The following PHACTR4 variants were observed in gnomAD, a reference collection of about 807,000 sequenced individuals.
PHACTR4 encodes the protein protein phosphatase 1, regulatory subunit 124.
A neutral mutation model predicts 72.7 loss-of-function variants in PHACTR4; 51 were observed. The ratio of observed to expected loss-of-function variants is 0.70; its 90% CI spans 0.56 to 0.89. The LOEUF (loss-of-function observed/expected upper bound fraction) is 0.89, where lower values mean the gene tolerates loss of function less well. Among genes scored for constraint, PHACTR4 ranks in the 40% least tolerant of loss-of-function variants. The probability of loss-of-function intolerance (pLI) is 0.00; values close to 1 mark genes in which losing one functional copy is unlikely to be tolerated. For missense variants in PHACTR4, 731 were observed against 861.8 expected (o/e 0.85, Z 1.90); for synonymous variants, 255 against 302.5 (o/e 0.84, Z 1.63).
chr1:28,396,845 C>CTTTTTT (rs60578939), intron 1 of PHACTR4, among the ~76,000 whole-genome samples: 9 of 119,664 alleles, frequency 7.5e-5, no homozygotes, highest in African/African-American at 2.6e-4. Flanking sequence ...TTCTTTCTTT[C>CTTTTTT]TTTTTTTTTT....
At chr1:28,478,661 G>T (rs1405155027) in intron 8 of PHACTR4, among the ~76,000 whole-genome samples, 1 of 151,922 alleles carries the variant, frequency 6.6e-6, no homozygotes, top group Non-Finnish European at 1.5e-5. Context: ...TCACCATATT[G>T]GCTGGGATGG....
intron 1 of PHACTR4, among the ~76,000 whole-genome samples, chr1:28,388,913 A>G (rs1652788454): frequency 6.6e-6 from 1 of 152,146 alleles, no homozygotes; most frequent in South Asian, 2.1e-4. Flanking sequence ...CTGTAAAACT[A>G]CTAGAAGCAA....
intron 2 of PHACTR4, among the ~76,000 whole-genome samples, chr1:28,444,214 CTTTTTTTTTTTTTTTTT>C (rs746642128): frequency 2.4e-5 from 1 of 41,088 alleles, no homozygotes; most frequent in Non-Finnish European, 4.9e-5. Context: ...ATATATTTGG[CTTTTTTTTTTTTTTTTT>C]TTTTTTTTTT....
intron 2 of PHACTR4, among the ~76,000 whole-genome samples, chr1:28,445,621 A>G (rs960712457): frequency 5.3e-5 from 8 of 151,900 alleles, no homozygotes; most frequent in African/African-American, 1.9e-4. Flanking sequence ...TTCCATAACC[A>G]TTTGATTTAT....
At chr1:28,495,941 TA>T (rs1661321817) in intron 13 of PHACTR4, among the ~76,000 whole-genome samples, 1 of 151,424 alleles carries the variant, frequency 6.6e-6, no homozygotes, top group African/African-American at 2.4e-5. Flanking sequence ...GTTTTTTATT[TA>T]AAGGGTAGAC....
At chr1:28,480,706 T>A in intron 9 of PHACTR4, 102 bp downstream of exon 9, 1 of 1,472,344 alleles carries the variant, frequency 6.8e-7, no homozygotes, top group Non-Finnish European at 9.3e-7. Context: ...TGTTTCGTTT[T>A]CTGAGACAGG....
intron 2 of PHACTR4, among the ~76,000 whole-genome samples, chr1:28,425,958 C>T (rs1315434850): frequency 3.9e-5 from 6 of 152,154 alleles, no homozygotes; most frequent in African/African-American, 1.4e-4. Flanking sequence ...CGGTGGCTCA[C>T]GCCTGTAATC....
intron 9 of PHACTR4, among the ~76,000 whole-genome samples, chr1:28,484,077 C>T (rs927382424): frequency 1.3e-5 from 2 of 151,970 alleles, no homozygotes; most frequent in East Asian, 1.9e-4. Context: ...AATCCCAGCA[C>T]GTTTGAAGGC....
intron 8 of PHACTR4, among the ~76,000 whole-genome samples, chr1:28,476,769 G>GTTTTTTTTTTTTTTT (rs1557841813): frequency 1.4e-4 from 11 of 80,206 alleles, no homozygotes; most frequent in Middle Eastern, 7.7e-3. Flanking sequence ...TGCCTAGCCT[G>GTTTTTTTTTTTTTTT]TTCTTTTTTT....
intron 1 of PHACTR4, among the ~76,000 whole-genome samples, chr1:28,372,688 CTAAAAATA>C (rs1651335360): frequency 2.0e-5 from 3 of 151,722 alleles, no homozygotes; most frequent in Admixed American, 2.0e-4. Flanking sequence ...CCCATCTCTA[CTAAAAATA>C]TAAAAATTAG....
At chr1:28,431,626 T>TATA (rs1324404868) in intron 2 of PHACTR4, among the ~76,000 whole-genome samples, 1 of 152,102 alleles carries the variant, frequency 6.6e-6, no homozygotes, top group East Asian at 1.9e-4. Flanking sequence ...ATGACTAACA[T>TATA]ATAAGAAGAC....
intron 2 of PHACTR4, among the ~76,000 whole-genome samples, chr1:28,443,998 G>T (rs183557510): frequency 5.3e-3 from 809 of 151,596 alleles, no homozygotes; most frequent in Non-Finnish European, 6.5e-3. Context: ...TTTCTTTTGA[G>T]GACCCTCCAT....
At chr1:28,425,897 C>T (rs1465808845) in intron 2 of PHACTR4, among the ~76,000 whole-genome samples, 1 of 152,170 alleles carries the variant, frequency 6.6e-6, no homozygotes, top group Non-Finnish European at 1.5e-5. Context: ...CTAGTTTCTA[C>T]ACATCAGTGA....
intron 2 of PHACTR4, among the ~76,000 whole-genome samples, chr1:28,458,472 A>G (rs774510881): frequency 6.6e-6 from 1 of 152,076 alleles, no homozygotes; most frequent in Non-Finnish European, 1.5e-5. Context: ...AGGCACTACT[A>G]TGGTAAACAA....
chr1:28,400,697 A>G (rs1653879156), intron 1 of PHACTR4, among the ~76,000 whole-genome samples: 1 of 151,962 alleles, frequency 6.6e-6, no homozygotes, highest in African/African-American at 2.4e-5. Context: ...CTCCTGCCTC[A>G]ACCTCCAGAG....
rs1463085065 is a variant in PHACTR4 at position 28,474,128 on chromosome 1, C to T, written c.1398C>T (p.Pro466=). 6.2e-7 allele frequency: 1 copy of T among 1,612,886 alleles called. No homozygotes were observed. Among genetic ancestry groups the T allele is most frequent in the South Asian group, 1.1e-5 (1 of 90,932 alleles). The change falls in exon 7 of 14, where the codon CCC becomes CCT. Residue 466 remains proline (P), a synonymous_variant. Transcript: ENST00000373839. ...SSTLGRTRSL[P]ITIEMLKVPD... ...CGCTGGGTCGGACCAGGTCTCTTCC[C>T]ATCACTATTGAAATGCTAAAAGTGT...
At chr1:28,436,394 AC>A in intron 2 of PHACTR4, among the ~76,000 whole-genome samples, 7 of 152,088 alleles carry the variant, frequency 4.6e-5, no homozygotes, top group Admixed American at 4.6e-4. Flanking sequence ...ACGCCACTCC[AC>A]CCAGTGGTAG....
chr1:28,441,080 A>G (rs1444352014), intron 2 of PHACTR4, among the ~76,000 whole-genome samples: 1 of 152,180 alleles, frequency 6.6e-6, no homozygotes, highest in African/African-American at 2.4e-5. Context: ...TGTGAATAAC[A>G]TAGAGGCCCC....
chr1:28,407,697 C>A (rs1281052175), intron 2 of PHACTR4, among the ~76,000 whole-genome samples: 1 of 151,906 alleles, frequency 6.6e-6, no homozygotes, highest in Non-Finnish European at 1.5e-5. Flanking sequence ...ACAAATTAAA[C>A]CTGAGAAACT....
Sources: gnomAD v4.1 joint callset for allele counts (sites outside exome capture counted in the v4.1 genomes callset) on GRCh38, gnomAD v4.1.1 for gene constraint, MANE v1.5 for transcripts, NCBI Gene and HGNC (gene_info 2026-07-23, HGNC 2026-07-21) for gene names.